COL4A5: variants seen among roughly 807,000 people sequenced by gnomAD.
COL4A5 encodes the protein collagen alpha-5(IV) chain.
Under a neutral mutation model 130.2 loss-of-function variants are expected in COL4A5, and 26 were observed. The ratio of observed to expected loss-of-function variants is 0.20; its 90% confidence interval spans 0.15 to 0.28. COL4A5 has a LOEUF of 0.28. Ranked by LOEUF, COL4A5 falls within the 10% of genes least tolerant of loss-of-function variation. The pLI is 1.00. For missense variants in COL4A5, 1,131 were observed against 1,344.3 expected (o/e 0.84, Z 2.48); for synonymous variants, 496 against 439.6 (o/e 1.13, Z -1.60).
At chrX:108,620,560 G>A (rs911234568) in intron 31 of COL4A5, 134 bp downstream of exon 31, 7 of 518,705 alleles carry the variant, frequency 1.3e-5, no homozygotes, top group Admixed American at 3.5e-5. Flanking sequence ...ATCTATGACT[G>A]CAGGAAGCTC....
Position 108,601,903 on chromosome X carries a change from G to T in COL4A5, c.2060G>T (p.Gly687Val), listed in dbSNP as rs104886168. The part of the protein sequence containing the change: ...VGLPGDPGLP[G>V]QPGLPGIPGS... ...TCCATAGGTGACCCTGGACTTCCAG[G>T]GCAACCAGGCTTGCCAGGGATACCT... Residue 687 changes from glycine to valine, a missense_variant, in exon 27 of 53, where the codon GGG becomes GTG. By Grantham distance (109) the Gly-to-Val change is moderately radical. Transcript: ENST00000328300. 1.7e-6 allele frequency: 2 copies of T among 1,161,615 alleles called. No homozygotes were observed. Among genetic ancestry groups the T allele is most frequent in the Non-Finnish European group, 1.2e-6 (1 of 862,892 alleles).
chrX:108,575,058 G>A (rs73526284), intron 9 of COL4A5, among the ~76,000 whole-genome samples: 11,478 of 110,498 alleles, frequency 0.1, 1,296 homozygotes, highest in African/African-American at 0.34. Context: ...AAAAGTATGA[G>A]GATTACAGGT....
At chrX:108,659,335 T>C (rs1603307469) in intron 37 of COL4A5, among the ~76,000 whole-genome samples, 1 of 111,291 alleles carries the variant, frequency 9.0e-6, no homozygotes, top group Non-Finnish European at 1.9e-5. Flanking sequence ...TCTGGGTGAA[T>C]TTTCCTTGTA....
chrX:108,552,084 A>G (rs746379913), intron 2 of COL4A5, among the ~76,000 whole-genome samples: 3 of 111,604 alleles, frequency 2.7e-5, no homozygotes, highest in East Asian at 5.6e-4. Flanking sequence ...GAGACTGTTG[A>G]AAAACTGCCT....
intron 36 of COL4A5, among the ~76,000 whole-genome samples, chrX:108,644,787 C>T (rs2067539814): frequency 9.2e-6 from 1 of 108,679 alleles, no homozygotes; most frequent in Non-Finnish European, 1.9e-5. Context: ...GTAATCCCAG[C>T]TACTCAGGAG....
intron 19 of COL4A5, among the ~76,000 whole-genome samples, chrX:108,590,308 A>G (rs2066410702): frequency 9.0e-6 from 1 of 111,498 alleles, no homozygotes; most frequent in African/African-American, 3.2e-5. Flanking sequence ...AAGAGAAAAA[A>G]ATACACTTCA....
Position 108,597,432 on chromosome X carries a change from G to A in COL4A5, c.1643G>A (p.Gly548Asp), listed in dbSNP as rs281874673. The change falls in exon 24 of 53, where the codon GGT (glycine) becomes GAT (aspartate). Residue 548 changes from glycine to aspartate, a missense_variant. Gly to Asp is a moderately conservative substitution (Grantham distance 94). Transcript: ENST00000328300. Reference sequence around the variant, plus strand: ...TTTCCTGGATCTAAAGGTGAACCTGGTGATATCCTCACTTTTCCAGGAATG... The same window carrying A: ...TTTCCTGGATCTAAAGGTGAACCTGATGATATCCTCACTTTTCCAGGAATG... Reference protein sequence around the residue: ...PGFPGSKGEPGDILTFPGMKG... With the variant: ...PGFPGSKGEPDDILTFPGMKG... 8.3e-7 allele frequency: 1 copy of A among 1,210,908 alleles called. No individual in the cohort carries two copies. The highest frequency in any genetic ancestry group is 1.1e-6 in the Non-Finnish European group (1 of 895,167).
intron 43 of COL4A5, among the ~76,000 whole-genome samples, chrX:108,675,240 T>C (rs1025112578): frequency 9.0e-6 from 1 of 111,624 alleles, no homozygotes; most frequent in Non-Finnish European, 1.9e-5. Context: ...TTTGAAGGAC[T>C]CTAAACATCA....
intron 37 of COL4A5, among the ~76,000 whole-genome samples, chrX:108,660,062 G>T (rs1348168148): frequency 9.0e-6 from 1 of 110,951 alleles, no homozygotes; most frequent in Non-Finnish European, 1.9e-5. Context: ...TTGCTCCAAA[G>T]ATTTCAGTGT....
At chrX:108,627,661 G>A (rs1189478413) in intron 36 of COL4A5, 45 of 539,768 alleles carry the variant, frequency 8.3e-5, no homozygotes, top group Non-Finnish European at 1.0e-4. Flanking sequence ...TGTAACATAT[G>A]AACTTGATTT....
intron 18 of COL4A5, among the ~76,000 whole-genome samples, chrX:108,585,790 A>T (rs1162831611): frequency 9.0e-6 from 1 of 111,587 alleles, no homozygotes; most frequent in Non-Finnish European, 1.9e-5. Context: ...ATGATTAGTT[A>T]GTTGGGTTTA....
At chrX:108,478,612 C>G (rs2064859564) in intron 1 of COL4A5, among the ~76,000 whole-genome samples, 1 of 111,940 alleles carries the variant, frequency 8.9e-6, no homozygotes, top group Admixed American at 9.5e-5. Context: ...ATCAATCCAG[C>G]TGCTTCAGGA....
chrX:108,667,312 G>A, intron 40 of COL4A5, 129 bp downstream of exon 40: 1 of 571,471 alleles, frequency 1.7e-6, no homozygotes, highest in Non-Finnish European at 2.9e-6. Context: ...CTCAAACCTA[G>A]TGTTAACGTT....
chrX:108,530,329 G>A (rs950085870), intron 1 of COL4A5, among the ~76,000 whole-genome samples: 5 of 111,033 alleles, frequency 4.5e-5, no homozygotes, highest in South Asian at 3.8e-4. Flanking sequence ...AATTATGATG[G>A]AAATTTAAAA....
chrX:108,482,947 C>T (rs1398771646), intron 1 of COL4A5, among the ~76,000 whole-genome samples: 1 of 111,684 alleles, frequency 9.0e-6, no homozygotes, highest in Non-Finnish European at 1.9e-5. Context: ...CTTTGCCACT[C>T]ATGAGTGGTG....
At chrX:108,565,971 T>C (rs187699317) in intron 4 of COL4A5, among the ~76,000 whole-genome samples, 1 of 107,819 alleles carries the variant, frequency 9.3e-6, no homozygotes, top group East Asian at 3.0e-4. Context: ...AGCATGAATA[T>C]CAGGCTATTC....
At chrX:108,578,421 A>G (rs2066190869) in intron 13 of COL4A5, 38 bp downstream of exon 13, 6 of 971,265 alleles carry the variant, frequency 6.2e-6, no homozygotes, top group Non-Finnish European at 5.9e-6. Context: ...AAATCTTGCT[A>G]TGGATATGTT....
At chrX:108,571,044 C>A (rs1266474829) in intron 6 of COL4A5, among the ~76,000 whole-genome samples, 2 of 111,784 alleles carry the variant, frequency 1.8e-5, no homozygotes, top group East Asian at 5.6e-4. Flanking sequence ...AAGAAAAATG[C>A]AACAGAGCAG....
chrX:108,606,981 T>A, intron 29 of COL4A5, 89 bp downstream of exon 29: 1 of 947,709 alleles, frequency 1.1e-6, no homozygotes, highest in Non-Finnish European at 1.5e-6. Flanking sequence ...TAAGCCCAAT[T>A]AACTGGAAAC....
Sources: gnomAD v4.1 joint callset for allele counts (sites outside exome capture counted in the v4.1 genomes callset) on GRCh38, gnomAD v4.1.1 for gene constraint, MANE v1.5 for transcripts, NCBI Gene and HGNC (gene_info 2026-07-23, HGNC 2026-07-21) for gene names.